The following SHOC1 variants were observed in gnomAD, a reference collection of about 807,000 sequenced individuals.
The protein encoded by SHOC1 is shortage in chiasmata 1.
A neutral mutation model predicts 179.2 loss-of-function variants in SHOC1; 136 were observed. The observed-to-expected ratio is 0.76, with a 90% CI of 0.66 to 0.87. The LOEUF (loss-of-function observed/expected upper bound fraction) is 0.87, where lower values mean the gene tolerates loss of function less well. Among genes scored for constraint, SHOC1 ranks in the 40% least tolerant of loss-of-function variants. The probability of loss-of-function intolerance (pLI) is 0.00; values close to 1 mark genes in which losing one functional copy is unlikely to be tolerated. For missense variants in SHOC1, 1,538 were observed against 1,700.8 expected, an observed-to-expected ratio of 0.90 and a Z score of 1.68; for synonymous variants, 489 against 586.6, an observed-to-expected ratio of 0.83 and a Z score of 2.41.
intron 11 of SHOC1, among the ~76,000 whole-genome samples, chr9:111,740,389 C>T (rs1238000691): frequency 6.6e-6 from 1 of 152,076 alleles, no homozygotes; most frequent in Admixed American, 6.5e-5. Context: ...TTTTTGGCCT[C>T]CAAATGCAAC....
Position 111,692,206 on chromosome 9 carries a change from G to C in SHOC1, c.3771C>G (p.Asp1257Glu). 3 of 1,613,596 alleles carry C rather than the reference G, an allele frequency of 1.9e-6. No homozygotes were observed. Among genetic ancestry groups the C allele is most frequent in the Non-Finnish European group, 2.5e-6 (3 of 1,179,584 alleles). Residue 1257 changes from aspartate (D) to glutamate (E), a missense_variant, in exon 27 of 28, where the codon GAC becomes GAG. By Grantham distance (45) the Asp-to-Glu change is conservative. Coordinates refer to ENST00000682961, the MANE Select transcript of SHOC1 (RefSeq NM_001378211.1). ...TSYNQTSYWK[D>E]SSCKSNIGQN... is the part of the protein sequence containing the mutation. ...GCCCTATATTAGATTTACAGCTGGAGTCTTTCCAGTAGCTGGTCTGATTGT... is the reference window on the plus strand; with the variant it reads ...GCCCTATATTAGATTTACAGCTGGACTCTTTCCAGTAGCTGGTCTGATTGT...
intron 3 of SHOC1, 132 bp from the exon 4 acceptor site, chr9:111,781,149 C>A: frequency 4.6e-6 from 3 of 650,702 alleles, no homozygotes; most frequent in Non-Finnish European, 7.9e-6. Context: ...CAAAGTGATA[C>A]CTGATTCCAA....
chr9:111,789,925 T>A (rs916966824), intron 2 of SHOC1, among the ~76,000 whole-genome samples: 2 of 152,202 alleles, frequency 1.3e-5, no homozygotes, highest in African/African-American at 4.8e-5. Flanking sequence ...CTTTCTTATT[T>A]CCTGTAAAAT....
intron 22 of SHOC1, among the ~76,000 whole-genome samples, 188 bp downstream of exon 22, chr9:111,703,693 C>G (rs1832094512): frequency 6.6e-6 from 1 of 151,990 alleles, no homozygotes; most frequent in Admixed American, 6.6e-5. Context: ...TGTTAAAAAG[C>G]TATAAGGCAT....
At chr9:111,768,307 C>A (rs2131596088) in intron 5 of SHOC1, among the ~76,000 whole-genome samples, 1 of 151,650 alleles carries the variant, frequency 6.6e-6, no homozygotes, top group East Asian at 1.9e-4. Flanking sequence ...CTCACTACAA[C>A]CTCCGCCTCC....
At chr9:111,750,298 T>C (rs577324664) in intron 8 of SHOC1, among the ~76,000 whole-genome samples, 21 of 152,178 alleles carry the variant, frequency 1.4e-4, no homozygotes, top group Non-Finnish European at 2.6e-4. Context: ...GTTAAGGTTT[T>C]TTTTTCATGT....
chr9:111,728,476 C>A lies in SHOC1; in HGVS notation c.1418-427G>T, dbSNP rs1833412552. The stretch of plus-strand genomic sequence containing the variant: ...TATAACTCTATATTTGAAAAGGAAC[C>A]CAATTAAAAATTTGGCAAAAGACTT... On this transcript the variant is annotated intron_variant, in intron 12 of 27. Transcript: ENST00000682961. Among the ~76,000 whole-genome samples the A allele has an allele frequency of 1.3e-5, 2 of 152,078 alleles. 1 individual carries two copies. Among genetic ancestry groups the A allele is most frequent in the Non-Finnish European group, 2.9e-5 (2 of 68,014 alleles).
At chr9:111,729,118 CT>C (rs1336883173) in intron 12 of SHOC1, among the ~76,000 whole-genome samples, 1 of 147,908 alleles carries the variant, frequency 6.8e-6, no homozygotes, top group South Asian at 2.1e-4. Flanking sequence ...GTTCTTTTTT[CT>C]TTTTTTTTCT....
chr9:111,778,619 A>ATT, intron 4 of SHOC1, among the ~76,000 whole-genome samples: 1 of 151,472 alleles, frequency 6.6e-6, no homozygotes, highest in African/African-American at 2.4e-5. Context: ...AAATACAAAA[A>ATT]ATTTAGCTGG....
intron 18 of SHOC1, among the ~76,000 whole-genome samples, chr9:111,712,169 T>C (rs1459187748): frequency 6.6e-6 from 1 of 152,156 alleles, no homozygotes; most frequent in Non-Finnish European, 1.5e-5. Context: ...ATGAATATAA[T>C]TTTTGTTGTG....
chr9:111,738,138 G>T, intron 12 of SHOC1, 142 bp downstream of exon 12: 2 of 643,312 alleles, frequency 3.1e-6, no homozygotes, highest in Non-Finnish European at 4.8e-6. Context: ...GAAATCCAAA[G>T]TCATAAATTC....
rs1371989010 is a variant in SHOC1 at position 111,722,018 on chromosome 9, A to T, written c.2131+391T>A. Among the ~76,000 whole-genome samples, 6 of 152,278 alleles carry T rather than the reference A, an allele frequency of 3.9e-5. No individual in the cohort carries two copies. In the East Asian group the frequency reaches 1.2e-3, roughly 29 times the overall value. On this transcript the variant is annotated intron_variant, in intron 15 of 27. Transcript: ENST00000682961. ...TGTTGTTATTTCTGGTAGGAGGGTA[A>T]ATCTAGTCCCTGTTACTCCATCTTG...
At chr9:111,793,679 A>ATTTT (rs3031223) in intron 1 of SHOC1, among the ~76,000 whole-genome samples, 158 of 147,694 alleles carry the variant, frequency 1.1e-3, no homozygotes, top group East Asian at 5.5e-3. Flanking sequence ...CAATTCTCGA[A>ATTTT]TTTTTTTTTT....
chr9:111,688,203 A>G (rs545336310), intron 27 of SHOC1, among the ~76,000 whole-genome samples: 1 of 152,322 alleles, frequency 6.6e-6, no homozygotes, highest in East Asian at 1.9e-4. Flanking sequence ...TTAAGCTACC[A>G]ATGTGATAGA....
At chr9:111,786,913 T>G (rs767634252) in intron 2 of SHOC1, among the ~76,000 whole-genome samples, 14 of 152,222 alleles carry the variant, frequency 9.2e-5, no homozygotes, top group Non-Finnish European at 1.9e-4. Flanking sequence ...TTGGTGATTT[T>G]AAGTTGAAGC....
intron 16 of SHOC1, among the ~76,000 whole-genome samples, chr9:111,716,199 A>G (rs1365954344): frequency 6.6e-6 from 1 of 152,110 alleles, no homozygotes; most frequent in Non-Finnish European, 1.5e-5. Context: ...TCCTTAAGGT[A>G]GATAAATAGT....
chr9:111,759,077 A>G (rs1589450303), intron 5 of SHOC1: 1 of 1,438,880 alleles, frequency 6.9e-7, no homozygotes, highest in East Asian at 2.3e-5. Context: ...GGAATAGCCA[A>G]ATATCCCAAA....
intron 13 of SHOC1, among the ~76,000 whole-genome samples, chr9:111,725,936 C>T (rs1833275136): frequency 3.3e-5 from 5 of 152,148 alleles, no homozygotes; most frequent in Admixed American, 3.3e-4. Context: ...GCCATTATCA[C>T]CACTATGGCA....
chr9:111,711,922 T>A (rs76834691), intron 18 of SHOC1, among the ~76,000 whole-genome samples: 1,777 of 152,258 alleles, frequency 0.012, 39 homozygotes, highest in African/African-American at 0.04. Context: ...GGTTGAGGTT[T>A]AAATGAAAAG....
Sources: gnomAD v4.1 joint callset for allele counts (sites outside exome capture counted in the v4.1 genomes callset) on GRCh38, gnomAD v4.1.1 for gene constraint, MANE v1.5 for transcripts, NCBI Gene and HGNC (gene_info 2026-07-23, HGNC 2026-07-21) for gene names.